PCGF5: variants seen among roughly 807,000 people sequenced by gnomAD.
The protein encoded by PCGF5 is polycomb group ring finger 5, also known as polycomb group RING finger protein 5.
A neutral mutation model predicts 44.3 loss-of-function variants in PCGF5; 9 were observed. The ratio of observed to expected loss-of-function variants is 0.20; its 90% CI spans 0.12 to 0.35. The LOEUF is 0.35. Among genes scored for constraint, PCGF5 ranks in the 10% least tolerant of loss-of-function variants. The pLI is 1.00. For missense variants in PCGF5, 146 were observed against 305.3 expected, an observed-to-expected ratio of 0.48 and a Z score of 3.89; for synonymous variants, 95 against 102.5, an observed-to-expected ratio of 0.93 and a Z score of 0.44.
At chr10:91,247,307 T>C (rs1845491986) in intron 3 of PCGF5, among the ~76,000 whole-genome samples, 2 of 152,282 alleles carry the variant, frequency 1.3e-5, no homozygotes, top group Admixed American at 1.3e-4. Context: ...TAAATTTTAA[T>C]TCTAAAAATT....
chr10:91,238,235 A>G (rs1845220647), intron 2 of PCGF5, among the ~76,000 whole-genome samples: 1 of 152,192 alleles, frequency 6.6e-6, no homozygotes, highest in African/African-American at 2.4e-5. Flanking sequence ...CAGATCTAGA[A>G]TATAGATTAG....
chr10:91,260,981 TTAAA>T (rs1328216188), intron 6 of PCGF5, among the ~76,000 whole-genome samples: 3 of 151,586 alleles, frequency 2.0e-5, no homozygotes, highest in African/African-American at 7.3e-5. Flanking sequence ...TAATAAAAGC[TTAAA>T]TAATAAAAAA....
intron 1 of PCGF5, among the ~76,000 whole-genome samples, chr10:91,177,503 G>A (rs1011721045): frequency 9.2e-5 from 14 of 152,222 alleles, no homozygotes; most frequent in South Asian, 6.2e-4. Flanking sequence ...TGCCCCCGGA[G>A]GTGGAGTCTA....
intron 3 of PCGF5, among the ~76,000 whole-genome samples, chr10:91,247,286 AT>A (rs1008845110): frequency 2.0e-5 from 3 of 152,160 alleles, no homozygotes; most frequent in African/African-American, 7.2e-5. Context: ...TTAAAAAATA[AT>A]TTTTAAGTTT....
intron 1 of PCGF5, among the ~76,000 whole-genome samples, chr10:91,195,461 TATATGCATGCATATATATATATATAG>T (rs1363683780): frequency 0.025 from 3,145 of 125,878 alleles, 111 homozygotes; most frequent in African/African-American, 0.087. Flanking sequence ...TGCATATATA[TATATGCATGCATATATATATATATAG>T]AGAGAGAGAG....
intron 2 of PCGF5, among the ~76,000 whole-genome samples, chr10:91,223,841 G>A (rs1315360357): frequency 1.3e-5 from 2 of 152,174 alleles, no homozygotes; most frequent in Non-Finnish European, 2.9e-5. Flanking sequence ...TTTTATGGAT[G>A]TGGAAACTAA....
chr10:91,248,410 T>C, intron 3 of PCGF5, 95 bp from the exon 4 acceptor site: 1 of 1,142,304 alleles, frequency 8.8e-7, no homozygotes, highest in Non-Finnish European at 1.3e-6. Context: ...GTGTATGTAT[T>C]TTGTAACATG....
chr10:91,175,454 G>A (rs192950658), intron 1 of PCGF5, among the ~76,000 whole-genome samples: 10 of 152,080 alleles, frequency 6.6e-5, no homozygotes, highest in Admixed American at 1.3e-4. Flanking sequence ...TTTGAGGTCC[G>A]ACAATGAAAA....
chr10:91,254,204 G>A (rs377033344), intron 6 of PCGF5, among the ~76,000 whole-genome samples: 2 of 53,126 alleles, frequency 3.8e-5, no homozygotes, highest in South Asian at 3.9e-4. Context: ...CCTCCACCTC[G>A]TGTGTGTGTG....
In PCGF5 at chr10:91,281,745, A is replaced by G. The variant is rs1846459305; in HGVS notation, c.*3429A>G. The G allele has an allele frequency of 6.6e-6, 1 of 152,400 alleles. No homozygotes were observed. Among genetic ancestry groups the G allele is most frequent in the South Asian group, 2.1e-4 (1 of 4,820 alleles). 9.4% of individuals were successfully genotyped at this position (152,400 alleles called of 1,614,324 possible). ...AAAATATCACCAAAGAAAGGCTTTA[A>G]ACTGAATTTTCTTGGTGAGATCAGT... On this transcript the variant is annotated 3_prime_UTR_variant, in exon 10 of 10. Transcript: ENST00000336126.
intron 1 of PCGF5, among the ~76,000 whole-genome samples, chr10:91,187,287 T>A (rs1373956737): frequency 6.6e-6 from 1 of 152,178 alleles, no homozygotes; most frequent in Non-Finnish European, 1.5e-5. Context: ...CAAATCGGTT[T>A]GGGAACCACT....
chr10:91,260,643 T>A (rs944680465), intron 6 of PCGF5, among the ~76,000 whole-genome samples: 6 of 152,212 alleles, frequency 3.9e-5, no homozygotes, highest in African/African-American at 1.2e-4. Flanking sequence ...AAAAATGATG[T>A]GTTCGTGTCC....
chr10:91,271,715 C>T lies in PCGF5; in HGVS notation c.723+18C>T. ...TGTATCAGGTAAGAGGCACTCACGA[C>T]TGTACATATGACCATCATGACACCA... On this transcript the variant is annotated intron_variant, in intron 9 of 9. Transcript: ENST00000336126. The T allele has an allele frequency of 6.2e-7, 1 of 1,602,454 alleles. No homozygotes were observed. The highest frequency in any genetic ancestry group is 8.6e-7 in the Non-Finnish European group (1 of 1,169,444).
upstream of PCGF5, among the ~76,000 whole-genome samples, chr10:91,160,069 T>C (rs1028153803): frequency 2.0e-5 from 3 of 152,246 alleles, no homozygotes; most frequent in African/African-American, 4.8e-5. Context: ...TTCTGAAATA[T>C]GGCTTCATTT....
intron 5 of PCGF5, 29 bp downstream of exon 5, chr10:91,248,753 A>C (rs778775143): frequency 6.4e-7 from 1 of 1,565,738 alleles, no homozygotes; most frequent in Non-Finnish European, 8.8e-7. Flanking sequence ...TGTTTCTGAC[A>C]GCACCTCTTA....
chr10:91,232,373 G>A (rs867886936), intron 2 of PCGF5, among the ~76,000 whole-genome samples: 2 of 152,146 alleles, frequency 1.3e-5, no homozygotes, highest in African/African-American at 2.4e-5. Flanking sequence ...TAAAGAAAAG[G>A]TGAAAAAAGA....
At chr10:91,189,792 T>C (rs930609704) in intron 1 of PCGF5, among the ~76,000 whole-genome samples, 1 of 152,224 alleles carries the variant, frequency 6.6e-6, no homozygotes, top group Non-Finnish European at 1.5e-5. Context: ...TGAGCCAGTA[T>C]TGAGCACATT....
intron 1 of PCGF5, among the ~76,000 whole-genome samples, chr10:91,175,330 T>C (rs1193667713): frequency 6.6e-6 from 1 of 152,176 alleles, no homozygotes; most frequent in Non-Finnish European, 1.5e-5. Context: ...CACAAAACAG[T>C]GAGACTCCAT....
At chr10:91,277,185 A>G (rs1222890999) in intron 9 of PCGF5, among the ~76,000 whole-genome samples, 1 of 152,196 alleles carries the variant, frequency 6.6e-6, no homozygotes, top group Non-Finnish European at 1.5e-5. Context: ...TACAGATTCC[A>G]ACATTGAGTC....
Sources: gnomAD v4.1 joint callset for allele counts (sites outside exome capture counted in the v4.1 genomes callset) on GRCh38, gnomAD v4.1.1 for gene constraint, MANE v1.5 for transcripts, NCBI Gene and HGNC (gene_info 2026-07-23, HGNC 2026-07-21) for gene names.